The following GTSE1 variants were observed in gnomAD, a reference collection of about 807,000 sequenced individuals.
GTSE1 encodes the protein G2 and S phase-expressed protein 1.
Under a neutral mutation model 60.5 loss-of-function variants are expected in GTSE1, and 52 were observed. The observed-to-expected ratio is 0.86, with a 90% CI of 0.69 to 1.08. The LOEUF (loss-of-function observed/expected upper bound fraction) is 1.08, where lower values mean the gene tolerates loss of function less well. Ranked by LOEUF, GTSE1 falls within the 50% of genes least tolerant of loss-of-function variation. The pLI is 0.00. For synonymous variants in GTSE1, 368 were observed against 386.5 expected, an observed-to-expected ratio of 0.95 and a Z score of 0.56; for missense variants, 937 against 961.8, an observed-to-expected ratio of 0.97 and a Z score of 0.34.
At position 46,329,278 on chromosome 22, in the gene GTSE1, C is replaced by G; in HGVS notation, c.1927-80C>G. The G allele has an allele frequency of 8.3e-7, 1 of 1,199,996 alleles. No homozygotes were observed. Among genetic ancestry groups the G allele is most frequent in the Non-Finnish European group, 1.2e-6 (1 of 810,676 alleles). The allele number at this position is 1,199,996 out of a possible 1,614,324, so 74.3% of individuals were successfully genotyped here. ...TTCCAAACCGCCAGCCCACCTGGAA[C>G]ATGAGCAAAGCTCACATTCTCCCAA... is the stretch of plus-strand genomic sequence containing the variant. On this transcript the variant is annotated intron_variant, in intron 10 of 11. Coordinates refer to ENST00000454366, the MANE Select transcript of GTSE1 (RefSeq NM_016426.7). This position sits in a 1 kb window ranked among gnomAD's most constrained non-coding sequence, Gnocchi z 6.4.
chr22:46,323,836 C>T (rs1308926126), intron 8 of GTSE1, among the ~76,000 whole-genome samples: 2 of 152,092 alleles, frequency 1.3e-5, no homozygotes, highest in African/African-American at 2.4e-5. Context: ...TACAGGCACC[C>T]GCCACCACAC....
intron 6 of GTSE1, 109 bp from the exon 7 acceptor site, chr22:46,315,923 T>A (rs1025304568): frequency 3.6e-6 from 3 of 839,128 alleles, no homozygotes; most frequent in Non-Finnish European, 5.5e-6. Flanking sequence ...ATATTGTTAA[T>A]GTGTCTTATG....
rs116881109 is a variant in GTSE1, at chr22:46,303,684, T to C, written c.80-4466T>C. Among the ~76,000 whole-genome samples the C allele has an allele frequency of 9.2e-4, 140 of 152,360 alleles. 3 individuals carry two copies. The East Asian group carries it at 0.023, about 25-fold the overall frequency. ...TTAATTTCCAAGTAAATGGTAGTCG[T>C]AGGTGTGCTATTCATGAGCATTTCT... On this transcript the variant is annotated intron_variant, in intron 2 of 11. Coordinates refer to ENST00000454366, the MANE Select transcript of GTSE1 (RefSeq NM_016426.7).
chr22:46,312,083 T>A (rs1417286093), intron 4 of GTSE1, 58 bp from the exon 5 acceptor site: 6 of 1,409,342 alleles, frequency 4.3e-6, no homozygotes, highest in Non-Finnish European at 5.9e-6. Context: ...GAAGCCTGAG[T>A]ATCTCTGTAC....
chr22:46,302,079 C>T (rs1321409406), intron 2 of GTSE1, among the ~76,000 whole-genome samples: 4 of 152,084 alleles, frequency 2.6e-5, no homozygotes, highest in African/African-American at 9.7e-5. Flanking sequence ...GAGCCAAGAT[C>T]GCGCCATTGC....
chr22:46,306,323 A>T (rs566460717), intron 2 of GTSE1, among the ~76,000 whole-genome samples: 1 of 151,780 alleles, frequency 6.6e-6, no homozygotes, highest in Admixed American at 6.6e-5. Context: ...CTGGGACTAC[A>T]GGCACCTGCC....
rs565320728 is a variant in GTSE1 at position 46,311,125 on chromosome 22, A to G, written c.763-1016A>G. Reference sequence around the variant, plus strand: ...AGAGTTTTGCTCTTGTTGCCGAGGCAGGAGTGCAATGGTGCAATCTCGGCT... The same window carrying G: ...AGAGTTTTGCTCTTGTTGCCGAGGCGGGAGTGCAATGGTGCAATCTCGGCT... On this transcript the variant is annotated intron_variant, in intron 4 of 11. Transcript: ENST00000454366. 1.5e-4 allele frequency among the ~76,000 whole-genome samples: 22 copies of G among 151,690 alleles called. No individual in the cohort carries two copies. In the South Asian group the frequency reaches 4.6e-3, roughly 32 times the overall value.
chr22:46,323,236 G>C lies in GTSE1; in HGVS notation c.1479G>C (p.Arg493=), dbSNP rs769376638. 9 of 1,613,776 alleles carry C rather than the reference G, an allele frequency of 5.6e-6. No individual in the cohort carries two copies. The highest frequency in any genetic ancestry group is 5.1e-6 in the Non-Finnish European group (6 of 1,179,746). The change falls in exon 8 of 12, where the codon CGG becomes CGC. Residue 493 remains arginine, a synonymous_variant. Coordinates refer to ENST00000454366, the MANE Select transcript of GTSE1 (RefSeq NM_016426.7). ...CACCAAAGCTTTCGCGGGCACAGCG[G>C]CCGCAGTCGTGCACGTCAGTTGGCA... ...SSTPKLSRAQ[R]PQSCTSVGRV... is the part of the protein sequence containing the mutation.
Position 46,308,719 on chromosome 22 carries a change from G to A in GTSE1, c.538G>A (p.Glu180Lys), listed in dbSNP as rs1253416584. Reference protein sequence around the residue: ...DSPLLGPPVGEPRLLASSPAL... With the variant: ...DSPLLGPPVGKPRLLASSPAL... ...CCCCTTGCTGGGGCCCCCTGTGGGT[G>A]AGCCTCGGCTCTTGGCCTCCTCCCC... Residue 180 changes from glutamate (E) to lysine (K), a missense_variant, in exon 4 of 12, where the codon GAG becomes AAG. Physicochemically the swap from Glu to Lys is moderately conservative, Grantham distance 56 (BLOSUM62 1). Transcript: ENST00000454366. 4.3e-6 allele frequency: 7 copies of A among 1,613,658 alleles called. No homozygotes were observed. The highest frequency in any genetic ancestry group is 5.1e-6 in the Non-Finnish European group (6 of 1,180,050).
chr22:46,302,691 G>T (rs117617423), intron 2 of GTSE1, among the ~76,000 whole-genome samples: 2 of 151,822 alleles, frequency 1.3e-5, no homozygotes, highest in East Asian at 3.9e-4. Flanking sequence ...CCAGTTTAGT[G>T]TCATAGTTAG....
At position 46,309,039 on chromosome 22, in the gene GTSE1, G is replaced by A. The variant is rs549293420; in HGVS notation, c.762+96G>A. 27 of 1,329,354 alleles carry A rather than the reference G, an allele frequency of 2.0e-5. No individual in the cohort carries two copies. The highest frequency in any genetic ancestry group is 2.6e-4 in the Middle Eastern group (1 of 3,834). 82.3% of individuals were successfully genotyped at this position (1,329,354 alleles called of 1,614,324 possible). A position where few individuals can be genotyped will look rare whatever the true frequency, so the allele number is the denominator to read the frequency against. ...ACATGCGGAAAGCCTCAGAGGTGGC[G>A]AGTCTCTGAGGCCTACAAAACACAG... On this transcript the variant is annotated intron_variant, in intron 4 of 11. Transcript: ENST00000454366. The surrounding 1 kb of genome is among the most constrained non-coding windows in gnomAD (Gnocchi z 6.2).
In GTSE1 at chr22:46,329,969, G is replaced by T; in HGVS notation, c.2137-78G>T. 1.1e-6 allele frequency: 1 copy of T among 888,644 alleles called. No homozygotes were observed. 55.0% of individuals were successfully genotyped at this position (888,644 alleles called of 1,614,324 possible). Reference sequence around the variant, plus strand: ...GCGAGTGGCTGTGATGACCCACGCAGCCAGTCCTCTGTGCAGGGAGGGGAA... The same window carrying T: ...GCGAGTGGCTGTGATGACCCACGCATCCAGTCCTCTGTGCAGGGAGGGGAA... On this transcript the variant is annotated intron_variant, in intron 11 of 11. Coordinates refer to ENST00000454366, the MANE Select transcript of GTSE1 (RefSeq NM_016426.7). The surrounding 1 kb of genome is among the most constrained non-coding windows in gnomAD (Gnocchi z 6.4).
At chr22:46,323,536 G>A (rs1001282221) in intron 8 of GTSE1, among the ~76,000 whole-genome samples, 15 of 152,304 alleles carry the variant, frequency 9.8e-5, no homozygotes, top group East Asian at 1.9e-4. Context: ...TCCCTCCAGC[G>A]CTCTTAGGAC....
intron 6 of GTSE1, 88 bp from the exon 7 acceptor site, chr22:46,315,944 A>C: frequency 1.0e-6 from 1 of 997,918 alleles, no homozygotes. Context: ...TTTAAGGTAG[A>C]TATGCTAAAG....
chr22:46,328,769 C>G lies in GTSE1; in HGVS notation c.1806C>G (p.Ser602=). 1.9e-6 allele frequency: 3 copies of G among 1,613,526 alleles called. No homozygotes were observed. The highest frequency in any genetic ancestry group is 2.5e-6 in the Non-Finnish European group (3 of 1,179,408). The change falls in exon 10 of 12, where the codon TCC becomes TCG. Residue 602 remains serine, a synonymous_variant. Coordinates refer to ENST00000454366, the MANE Select transcript of GTSE1 (RefSeq NM_016426.7). ...CCCCTGACAGGGGTTCTCCTCCTTC[C>G]CGTGTGCCTCAGGCACTTAACTTTT... The part of the protein sequence containing the change: ...DVSPDRGSPP[S]RVPQALNFSP...
At chr22:46,311,787 C>T (rs2077750029) in intron 4 of GTSE1, among the ~76,000 whole-genome samples, 1 of 152,208 alleles carries the variant, frequency 6.6e-6, no homozygotes, top group Admixed American at 6.5e-5. Context: ...TGAGTCCTTT[C>T]TGTACAGCAT....
Position 46,330,241 on chromosome 22 carries a change from G to A in GTSE1, c.*111G>A. ...TTACACTTGTAACCCTAGAACTTGGGAGGCTGAGGTGGGCGGATTACTTGA... is the reference window on the plus strand; with the variant it reads ...TTACACTTGTAACCCTAGAACTTGGAAGGCTGAGGTGGGCGGATTACTTGA... On this transcript the variant is annotated 3_prime_UTR_variant, in exon 12 of 12. Transcript: ENST00000454366. The surrounding 1 kb of genome is among the most constrained non-coding windows in gnomAD (Gnocchi z 6.0). 1 of 697,944 alleles carries A rather than the reference G, an allele frequency of 1.4e-6. No individual in the cohort carries two copies. Among genetic ancestry groups the A allele is most frequent in the Admixed American group, 2.1e-5 (1 of 47,274 alleles). 43.2% of individuals were successfully genotyped at this position (697,944 alleles called of 1,614,324 possible). A position where few individuals can be genotyped will look rare whatever the true frequency, so the allele number is the denominator to read the frequency against.
At chr22:46,306,862 T>A (rs1384047521) in intron 2 of GTSE1, among the ~76,000 whole-genome samples, 2 of 152,228 alleles carry the variant, frequency 1.3e-5, no homozygotes, top group African/African-American at 4.8e-5. Context: ...ATACTGTATT[T>A]CAGTGCATTT....
At position 46,316,234 on chromosome 22, in the gene GTSE1, C is replaced by T. The variant is rs1338943340; in HGVS notation, c.1254C>T (p.Pro418=). 2 of 1,613,808 alleles carry T rather than the reference C, an allele frequency of 1.2e-6. No homozygotes were observed. The highest frequency in any genetic ancestry group is 1.7e-6 in the Non-Finnish European group (2 of 1,179,994). ...TCACGGCACCCCCCTCAGCATCCCCCACCCAACCCCAGACTCCGGAAGGTG... is the reference window on the plus strand; with the variant it reads ...TCACGGCACCCCCCTCAGCATCCCCTACCCAACCCCAGACTCCGGAAGGTG... ...EQLTAPPSAS[P]TQPQTPEGGG... is the part of the protein sequence containing the mutation. Residue 418 remains proline, a synonymous_variant, in exon 7 of 12, where the codon CCC becomes CCT. Coordinates refer to ENST00000454366, the MANE Select transcript of GTSE1 (RefSeq NM_016426.7). The surrounding 1 kb of genome is among the most constrained non-coding windows in gnomAD (Gnocchi z 5.0).
Sources: allele counts gnomAD v4.1 joint callset (sites outside exome capture counted in the v4.1 genomes callset), GRCh38; gene constraint gnomAD v4.1.1; non-coding constraint Gnocchi (gnomAD v3.1); transcripts MANE v1.5; gene names NCBI Gene and HGNC (gene_info 2026-07-23, HGNC 2026-07-21).